GATA4: variants seen among roughly 807,000 people sequenced by gnomAD.
GATA4 encodes the protein GATA binding protein 4.
Under a neutral mutation model 37.9 loss-of-function variants are expected in GATA4, and 7 were observed. The ratio of observed to expected loss-of-function variants is 0.18; its 90% CI spans 0.11 to 0.35. The LOEUF is 0.35. Among genes scored for constraint, GATA4 ranks in the 10% least tolerant of loss-of-function variants. GATA4 has a pLI of 1.00. For missense variants in GATA4, 647 were observed against 653.0 expected (o/e 0.99, Z 0.10); for synonymous variants, 372 against 292.6 (o/e 1.27, Z -2.77).
In GATA4 at chr8:11,708,800, C is replaced by G. The variant is rs540578824; in HGVS notation, c.488C>G (p.Pro163Arg). 8.4e-5 allele frequency: 124 copies of G among 1,476,804 alleles called. No homozygotes were observed. Among genetic ancestry groups the G allele is most frequent in the Non-Finnish European group, 1.1e-4 (120 of 1,121,024 alleles). 91.5% of individuals were successfully genotyped at this position (1,476,804 alleles called of 1,614,324 possible). ...GFAGSYSSPY[P>R]AYMADVGASW... ...GCGGGCTCCTACTCCAGCCCCTACC[C>G]GGCTTACATGGCCGACGTGGGCGCG... is the stretch of plus-strand genomic sequence containing the variant. Residue 163 changes from proline to arginine, a missense_variant, in exon 2 of 7, where the codon CCG becomes CGG. Pro to Arg is a moderately radical substitution (Grantham distance 103). Around this residue, in one of 5 missense-constraint regions of GATA4, gnomAD observed 379 missense variants for 334.5 expected, o/e 1.13. Transcript: ENST00000532059. The surrounding 1 kb of genome is among the most constrained non-coding windows in gnomAD (Gnocchi z 6.7).
At chr8:11,710,529 A>AT in intron 2 of GATA4, among the ~76,000 whole-genome samples, 1 of 151,378 alleles carries the variant, frequency 6.6e-6, no homozygotes, top group East Asian at 1.9e-4. Flanking sequence ...AAATACAAAA[A>AT]AAAAAAAAAA....
At chr8:11,741,503 C>A (rs1343220199) in intron 2 of GATA4, among the ~76,000 whole-genome samples, 3 of 152,002 alleles carry the variant, frequency 2.0e-5, no homozygotes, top group Admixed American at 6.6e-5. Context: ...CAAAAAAAGT[C>A]CCTGTGAGAG....
rs1554488672 is a variant in GATA4 at position 11,708,879 on chromosome 8, G to A, written c.567G>A (p.Leu189=). The change falls in exon 2 of 7, where the codon CTG becomes CTA. Residue 189 remains leucine (L), a synonymous_variant. Transcript: ENST00000532059. This position sits in a 1 kb window ranked among gnomAD's most constrained non-coding sequence, Gnocchi z 6.7. ...ASAGPFDSPV[L]HSLPGRANPA... is the part of the protein sequence containing the mutation. ...CCGGCCCCTTCGACAGCCCGGTCCTGCACAGCCTGCCCGGCCGGGCCAACC... is the reference window on the plus strand; with the variant it reads ...CCGGCCCCTTCGACAGCCCGGTCCTACACAGCCTGCCCGGCCGGGCCAACC... 1 of 1,528,234 alleles carries A rather than the reference G, an allele frequency of 6.5e-7. No homozygotes were observed. The highest frequency in any genetic ancestry group is 1.2e-5 in the South Asian group (1 of 83,650). The allele number at this position is 1,528,234 out of a possible 1,614,324, so 94.7% of individuals were successfully genotyped here.
intron 1 of GATA4, among the ~76,000 whole-genome samples, chr8:11,698,553 A>G (rs1799574035): frequency 6.8e-6 from 1 of 146,746 alleles, no homozygotes; most frequent in Non-Finnish European, 1.5e-5. Flanking sequence ...CTCCTCCTCC[A>G]CTCCTCACCC....
At chr8:11,684,546 T>TCAC (rs1799080006) in intron 1 of GATA4, among the ~76,000 whole-genome samples, 1 of 152,226 alleles carries the variant, frequency 6.6e-6, no homozygotes, top group African/African-American at 2.4e-5. Context: ...CCTAGGTCAG[T>TCAC]GTAAGAGTTT....
chr8:11,691,034 T>A (rs192756434), upstream of GATA4, among the ~76,000 whole-genome samples: 9 of 152,322 alleles, frequency 5.9e-5, no homozygotes, highest in Admixed American at 3.9e-4. Context: ...TGTGCCTTGG[T>A]TTCTTCATCT....
chr8:11,694,514 C>T, intron 1 of GATA4: 1 of 985,396 alleles, frequency 1.0e-6, no homozygotes, highest in Non-Finnish European at 1.2e-6. Flanking sequence ...CCCTTGCCAC[C>T]TTTTGGTTCC....
intron 2 of GATA4, among the ~76,000 whole-genome samples, chr8:11,746,070 A>T (rs747442438): frequency 2.7e-4 from 41 of 152,174 alleles, no homozygotes; most frequent in Non-Finnish European, 4.6e-4. Flanking sequence ...ACTTGAACCC[A>T]GGAATTTGAG....
At chr8:11,757,279 A>T (rs1454695516) in intron 6 of GATA4, among the ~76,000 whole-genome samples, 196 bp downstream of exon 6, 2 of 152,256 alleles carry the variant, frequency 1.3e-5, no homozygotes, top group Non-Finnish European at 2.9e-5. Context: ...GGGCATCTGC[A>T]TCGGGCTGTA....
At chr8:11,703,576 A>T (rs1345802557), upstream of GATA4, among the ~76,000 whole-genome samples, 2 of 152,242 alleles carry the variant, frequency 1.3e-5, no homozygotes, top group Admixed American at 6.5e-5. Context: ...CCAGGAAGGG[A>T]TGCAGATTGC....
At chr8:11,714,688 C>T (rs139840542) in intron 2 of GATA4, among the ~76,000 whole-genome samples, 1 of 152,326 alleles carries the variant, frequency 6.6e-6, no homozygotes, top group East Asian at 1.9e-4. Context: ...ATCAAAAGGT[C>T]AGGCCACATT....
chr8:11,759,455 T>C lies in GATA4; in HGVS notation c.*980T>C, dbSNP rs1206806362. The C allele has an allele frequency of 6.6e-6, 1 of 152,368 alleles. No individual in the cohort carries two copies. Among genetic ancestry groups the C allele is most frequent in the Non-Finnish European group, 1.5e-5 (1 of 68,126 alleles). The allele number at this position is 152,368 out of a possible 1,614,324, so 9.4% of individuals were successfully genotyped here. On this transcript the variant is annotated 3_prime_UTR_variant, in exon 7 of 7. Coordinates refer to ENST00000532059, the MANE Select transcript of GATA4 (RefSeq NM_001308093.3). ...CAAGGGCTGGCCCACCTGCTGTCTG[T>C]CTGCTCCTCCTAGCCCTTGGTCAGA...
intron 2 of GATA4, among the ~76,000 whole-genome samples, chr8:11,722,479 C>T (rs1800721448): frequency 6.6e-6 from 1 of 152,216 alleles, no homozygotes; most frequent in African/African-American, 2.4e-5. Flanking sequence ...GTCTAATTGT[C>T]TTTAATGCCT....
intron 2 of GATA4, among the ~76,000 whole-genome samples, chr8:11,711,326 C>G (rs1800173565): frequency 6.6e-6 from 1 of 152,182 alleles, no homozygotes; most frequent in Non-Finnish European, 1.5e-5. Context: ...GCCTTTGAAT[C>G]TGGCCTAGAG....
At chr8:11,729,139 A>G (rs1234705215) in intron 2 of GATA4, among the ~76,000 whole-genome samples, 1 of 152,204 alleles carries the variant, frequency 6.6e-6, no homozygotes, top group African/African-American at 2.4e-5. Flanking sequence ...AGGCTGAAGC[A>G]GGAGAATCAC....
At chr8:11,718,900 C>G (rs574671375) in intron 2 of GATA4, among the ~76,000 whole-genome samples, 104 of 152,344 alleles carry the variant, frequency 6.8e-4, no homozygotes, top group African/African-American at 2.4e-3. Flanking sequence ...CCCCTCGGGA[C>G]CATGCCAGGA....
chr8:11,709,339 C>T lies in GATA4; in HGVS notation c.616+411C>T, dbSNP rs1800056618. ...GTTTCTGCGCCCCTTTCCTCCCCGC[C>T]CGCCCTCGGGCCTCCGCAGGGAACT... On this transcript the variant is annotated intron_variant, in intron 2 of 6. Transcript: ENST00000532059. The surrounding 1 kb of genome is among the most constrained non-coding windows in gnomAD (Gnocchi z 4.3). Among the ~76,000 whole-genome samples the T allele has an allele frequency of 6.6e-6, 1 of 152,236 alleles. No homozygotes were observed. The highest frequency in any genetic ancestry group is 2.1e-4 in the South Asian group (1 of 4,832).
At chr8:11,681,283 C>G in intron 1 of GATA4, 2 of 985,424 alleles carry the variant, frequency 2.0e-6, no homozygotes, top group Non-Finnish European at 2.4e-6. Context: ...CCTCCGCACG[C>G]TGAGGTTCCG....
At chr8:11,701,867 G>T (rs1279665971), upstream of GATA4, among the ~76,000 whole-genome samples, 1 of 150,856 alleles carries the variant, frequency 6.6e-6, no homozygotes, top group Non-Finnish European at 1.5e-5. Flanking sequence ...GGGGTGGTGG[G>T]AGGTGGTAGG....
Sources: allele counts gnomAD v4.1 joint callset (sites outside exome capture counted in the v4.1 genomes callset), GRCh38; gene constraint gnomAD v4.1.1; regional missense constraint gnomAD v4.1.1; non-coding constraint Gnocchi (gnomAD v3.1); transcripts MANE v1.5; gene names NCBI Gene and HGNC (gene_info 2026-07-23, HGNC 2026-07-21).